Variants in ZNF385D observed in about 807,000 individuals in gnomAD.
The protein encoded by ZNF385D is zinc finger protein 659.
Under a neutral mutation model 35.8 loss-of-function variants are expected in ZNF385D, and 15 were observed. The ratio of observed to expected loss-of-function variants is 0.42; its 90% CI spans 0.28 to 0.64. ZNF385D has a LOEUF of 0.64. Among genes scored for constraint, ZNF385D ranks in the 30% least tolerant of loss-of-function variants. The pLI, the probability that ZNF385D is intolerant of heterozygous loss-of-function variation, is 0.23. For missense variants in ZNF385D, 474 were observed against 494.6 expected, an observed-to-expected ratio of 0.96 and a Z score of 0.39; for synonymous variants, 212 against 186.8, an observed-to-expected ratio of 1.13 and a Z score of -1.10.
intron 3 of ZNF385D, among the ~76,000 whole-genome samples, chr3:22,092,545 G>A (rs1359299482): frequency 6.6e-6 from 1 of 152,156 alleles, no homozygotes; most frequent in Admixed American, 6.5e-5. Context: ...AGATGTTCAT[G>A]GCTATGCCCT....
intron 3 of ZNF385D, among the ~76,000 whole-genome samples, chr3:21,946,762 G>A (rs1420141714): frequency 1.3e-5 from 2 of 152,214 alleles, no homozygotes; most frequent in Non-Finnish European, 2.9e-5. Context: ...AACCCAAGAG[G>A]CGGAGGTTGC....
chr3:22,049,239 T>G (rs111347039), intron 3 of ZNF385D, among the ~76,000 whole-genome samples: 1 of 150,960 alleles, frequency 6.6e-6, no homozygotes, highest in Non-Finnish European at 1.5e-5. Flanking sequence ...GAGGTTGCAG[T>G]GAGCCGAGAC....
At chr3:21,961,963 T>A (rs977586219) in intron 3 of ZNF385D, among the ~76,000 whole-genome samples, 1 of 152,102 alleles carries the variant, frequency 6.6e-6, no homozygotes, top group African/African-American at 2.4e-5. Flanking sequence ...TGACATGGGT[T>A]TTCAGGACAG....
intron 1 of ZNF385D, among the ~76,000 whole-genome samples, chr3:21,724,060 A>G (rs556210499): frequency 6.6e-6 from 1 of 152,284 alleles, no homozygotes; most frequent in Non-Finnish European, 1.5e-5. Flanking sequence ...AAGCTTCATA[A>G]GCAAAGGAGA....
chr3:21,643,501 A>G (rs2065666360), intron 2 of ZNF385D, among the ~76,000 whole-genome samples: 1 of 152,132 alleles, frequency 6.6e-6, no homozygotes, highest in African/African-American at 2.4e-5. Flanking sequence ...GTTCAAAAGA[A>G]AAACATATGT....
At chr3:22,353,460 T>C (rs1467057332) in intron 2 of ZNF385D, among the ~76,000 whole-genome samples, 3 of 152,154 alleles carry the variant, frequency 2.0e-5, no homozygotes, top group African/African-American at 7.2e-5. Flanking sequence ...GCCCTCCAAG[T>C]ACAGGAGATG....
At chr3:22,168,055 A>G (rs1275266418) in intron 3 of ZNF385D, among the ~76,000 whole-genome samples, 1 of 152,198 alleles carries the variant, frequency 6.6e-6, no homozygotes, top group Non-Finnish European at 1.5e-5. Flanking sequence ...AGAGATTGAC[A>G]TTCATTCACA....
chr3:21,949,383 C>T (rs1701944917), intron 3 of ZNF385D, among the ~76,000 whole-genome samples: 1 of 151,958 alleles, frequency 6.6e-6, no homozygotes, highest in South Asian at 2.1e-4. Flanking sequence ...GTGCCTTTTC[C>T]ATCCCATCGG....
chr3:21,906,639 CT>C (rs1225186703), intron 3 of ZNF385D, among the ~76,000 whole-genome samples: 1 of 152,142 alleles, frequency 6.6e-6, no homozygotes, highest in Non-Finnish European at 1.5e-5. Flanking sequence ...GTGCCACTCT[CT>C]TTCTGTGCCC....
intron 3 of ZNF385D, among the ~76,000 whole-genome samples, chr3:22,152,365 C>T (rs1212589543): frequency 6.6e-6 from 1 of 152,132 alleles, no homozygotes; most frequent in Non-Finnish European, 1.5e-5. Flanking sequence ...TATTAGTCTC[C>T]TATCATTGCT....
chr3:22,008,360 C>CATTTT lies in ZNF385D; in HGVS notation c.325+160456_325+160457insAAAAT, dbSNP rs773952386. 3.8e-5 allele frequency among the ~76,000 whole-genome samples: 5 copies of CATTTT among 131,932 alleles called. 1 individual carries two copies. The highest frequency in any genetic ancestry group is 1.5e-4 in the Admixed American group (2 of 13,538). 86.6% of individuals were successfully genotyped at this position (131,932 alleles called of 152,430 possible). On this transcript the variant is annotated intron_variant, in intron 3 of 5. Coordinates refer to the ZNF385D transcript ENST00000494108. ...TCACTTTCATACAGGCCATGATTTTCTTTTTTTTTTTTGAGGCGGAGTCTC... is the reference window on the plus strand; with the variant it reads ...TCACTTTCATACAGGCCATGATTTTCATTTTTTTTTTTTTTTTGAGGCGGAGTCTC...
At chr3:21,954,912 GA>G (rs571458483) in intron 3 of ZNF385D, among the ~76,000 whole-genome samples, 65 of 152,200 alleles carry the variant, frequency 4.3e-4, no homozygotes, top group Non-Finnish European at 6.6e-4. Flanking sequence ...ATCTAATGTT[GA>G]AACTGTGACT....
At chr3:21,602,294 A>G (rs1467594614) in intron 2 of ZNF385D, among the ~76,000 whole-genome samples, 2 of 151,942 alleles carry the variant, frequency 1.3e-5, no homozygotes, top group Non-Finnish European at 2.9e-5. Context: ...ACACAGCCAA[A>G]CCATATCAGA....
chr3:22,067,227 T>G (rs1044582534), intron 3 of ZNF385D, among the ~76,000 whole-genome samples: 1 of 152,228 alleles, frequency 6.6e-6, no homozygotes, highest in Non-Finnish European at 1.5e-5. Context: ...TTATCCAGTT[T>G]CTTTTCTTTT....
chr3:21,906,956 A>G (rs1223449167), intron 3 of ZNF385D, among the ~76,000 whole-genome samples: 1 of 152,076 alleles, frequency 6.6e-6, no homozygotes, highest in Non-Finnish European at 1.5e-5. Context: ...CCCACTACTC[A>G]AGAGCTAGCA....
intron 3 of ZNF385D, among the ~76,000 whole-genome samples, chr3:21,987,789 A>G (rs1351800316): frequency 7.6e-6 from 1 of 131,214 alleles, no homozygotes; most frequent in Admixed American, 7.0e-5. Context: ...CATTCTCCCC[A>G]TCACTTTCAG....
chr3:22,025,274 C>T (rs1009048337), intron 3 of ZNF385D, among the ~76,000 whole-genome samples: 1 of 152,178 alleles, frequency 6.6e-6, no homozygotes, highest in Non-Finnish European at 1.5e-5. Flanking sequence ...ATGGCCTCCC[C>T]TGAGGCAGTT....
chr3:21,440,491 T>C (rs755860950), intron 4 of ZNF385D, among the ~76,000 whole-genome samples: 1 of 152,028 alleles, frequency 6.6e-6, no homozygotes, highest in Admixed American at 6.6e-5. Flanking sequence ...TAAGGAAATA[T>C]GAGAAATCAG....
chr3:21,707,288 C>T (rs1007118891), intron 1 of ZNF385D, among the ~76,000 whole-genome samples: 5 of 152,220 alleles, frequency 3.3e-5, no homozygotes, highest in Non-Finnish European at 5.9e-5. Context: ...ATTCAGAATG[C>T]TTGATTTACT....
Sources: allele counts gnomAD v4.1 joint callset (sites outside exome capture counted in the v4.1 genomes callset), GRCh38; gene constraint gnomAD v4.1.1; transcripts MANE v1.5; gene names NCBI Gene and HGNC (gene_info 2026-07-23, HGNC 2026-07-21).